Variants in MIGA2 observed in about 807,000 individuals in gnomAD.
MIGA2 encodes the protein family with sequence similarity 73, member B.
Under a neutral mutation model 69.9 loss-of-function variants are expected in MIGA2, and 36 were observed. The ratio of observed to expected loss-of-function variants is 0.52; its 90% CI spans 0.39 to 0.68. The LOEUF is 0.68. Among genes scored for constraint, MIGA2 ranks in the 30% least tolerant of loss-of-function variants. The pLI, the probability that MIGA2 is intolerant of heterozygous loss-of-function variation, is 0.00. For missense variants in MIGA2, 660 were observed against 787.7 expected (o/e 0.84, Z 1.94); for synonymous variants, 333 against 349.2 (o/e 0.95, Z 0.52).
At position 129,070,487 on chromosome 9, in the gene MIGA2, GCTC is replaced by G; in HGVS notation, c.*42_*44del. ...CGGGCTGGGGGGTGGCAGAGAGAAGGCTCCTCCTCCCTTCCCTGGGTTGGTATC... is the reference window on the plus strand; with the variant it reads ...CGGGCTGGGGGGTGGCAGAGAGAAGGCTCCTCCCTTCCCTGGGTTGGTATC... On this transcript the variant is annotated 3_prime_UTR_variant, in exon 16 of 16. Transcript: ENST00000684074. 6.7e-7 allele frequency: 1 copy of G among 1,486,856 alleles called. No individual in the cohort carries two copies. Among genetic ancestry groups the G allele is most frequent in the Non-Finnish European group, 9.0e-7 (1 of 1,116,562 alleles). The allele number at this position is 1,486,856 out of a possible 1,614,324, so 92.1% of individuals were successfully genotyped here.
At chr9:129,065,088 CT>C (rs74876477) in intron 11 of MIGA2, among the ~76,000 whole-genome samples, 5,464 of 142,776 alleles carry the variant, frequency 0.038, 198 homozygotes, top group South Asian at 0.1. Context: ...TGTCCTCAAT[CT>C]TTTTTTTTTT....
At chr9:129,065,641 C>T (rs954369262) in intron 11 of MIGA2, among the ~76,000 whole-genome samples, 6 of 152,270 alleles carry the variant, frequency 3.9e-5, no homozygotes, top group Admixed American at 3.3e-4. Context: ...TGAGCCACCA[C>T]GCCCGGCCTA....
At position 129,063,317 on chromosome 9, in the gene MIGA2, G is replaced by A; in HGVS notation, c.1083+1G>A. 1 of 1,614,042 alleles carries A rather than the reference G, an allele frequency of 6.2e-7. No homozygotes were observed. Among genetic ancestry groups the A allele is most frequent in the Non-Finnish European group, 8.5e-7 (1 of 1,180,020 alleles). ...GCACTGTGTGCGGCAGGCCTTCGAG[G>A]TGGGTGTGGCCTGGGGGTTCCTCGG... is the stretch of plus-strand genomic sequence containing the variant. On this transcript the variant is annotated splice_donor_variant, in intron 10 of 15. Transcript: ENST00000684074. LOFTEE classifies it high-confidence loss of function.
Position 129,070,373 on chromosome 9 carries a change from C to A in MIGA2, c.1702C>A (p.Leu568Met). Residue 568 changes from leucine to methionine, a missense_variant, in exon 16 of 16, where the codon CTG (leucine) becomes ATG (methionine). By Grantham distance (15) the Leu-to-Met change is conservative (BLOSUM62 2). This residue lies in a region of MIGA2 where 220 missense variants were observed against 301.7 expected (regional missense o/e 0.73). Coordinates refer to ENST00000684074, the MANE Select transcript of MIGA2 (RefSeq NM_001329990.2). Reference sequence around the variant, plus strand: ...CCGCAGCGAGATATTGCTGGGGTACCTGGGGGTGCCCGCGGCCAGCAGCGC... The same window carrying A: ...CCGCAGCGAGATATTGCTGGGGTACATGGGGGTGCCCGCGGCCAGCAGCGC... ...RRRSEILLGY[L>M]GVPAASSAGV... 1 of 1,612,664 alleles carries A rather than the reference C, an allele frequency of 6.2e-7. No homozygotes were observed. Among genetic ancestry groups the A allele is most frequent in the Non-Finnish European group, 8.5e-7 (1 of 1,179,842 alleles).
At chr9:129,054,470 GAAAC>G (rs1845698686) in intron 6 of MIGA2, among the ~76,000 whole-genome samples, 1 of 151,624 alleles carries the variant, frequency 6.6e-6, no homozygotes, top group African/African-American at 2.4e-5. Context: ...CAACAACAAA[GAAAC>G]AACAACAAAG....
chr9:129,042,187 C>A (rs562529774), intron 2 of MIGA2, 117 bp from the exon 3 acceptor site: 41 of 977,262 alleles, frequency 4.2e-5, no homozygotes, highest in Middle Eastern at 3.3e-4. Context: ...CTCATCTGGT[C>A]GGCAGATGTG....
chr9:129,068,270 C>T lies in MIGA2; in HGVS notation c.1342C>T (p.Pro448Ser). The T allele has an allele frequency of 1.2e-6, 2 of 1,613,062 alleles. No homozygotes were observed. Among genetic ancestry groups the T allele is most frequent in the Non-Finnish European group, 1.7e-6 (2 of 1,179,952 alleles). ...LMDAFEDLEN[P>S]PASVLAVLRN... ...GGACGCCTTCGAGGACCTGGAGAACCCTCCGGCCTCGGTGCTCGCCGTCCT... is the reference window on the plus strand; with the variant it reads ...GGACGCCTTCGAGGACCTGGAGAACTCTCCGGCCTCGGTGCTCGCCGTCCT... Residue 448 changes from proline (P) to serine (S), a missense_variant, in exon 13 of 16, where the codon CCT becomes TCT. Physicochemically the swap from Pro to Ser is moderately conservative, Grantham distance 74. Transcript: ENST00000684074. The surrounding 1 kb of genome is among the most constrained non-coding windows in gnomAD (Gnocchi z 4.1).
intron 5 of MIGA2, among the ~76,000 whole-genome samples, 160 bp from the exon 6 acceptor site, chr9:129,049,667 C>T (rs977271876): frequency 2.6e-5 from 4 of 152,230 alleles, no homozygotes; most frequent in Non-Finnish European, 4.4e-5. Flanking sequence ...TAGGAACAAA[C>T]CTGGTCTGAA....
chr9:129,070,357 G>A lies in MIGA2; in HGVS notation c.1686G>A (p.Glu562=), dbSNP rs1846611196. ...DILQLSRRRS[E]ILLGYLGVPA... ...TGCAGCTGTCCCGGCGCCGCAGCGA[G>A]ATATTGCTGGGGTACCTGGGGGTGC... Residue 562 remains glutamate (E), a synonymous_variant, in exon 16 of 16, where the codon GAG becomes GAA. Transcript: ENST00000684074. 1 of 1,612,984 alleles carries A rather than the reference G, an allele frequency of 6.2e-7. No individual in the cohort carries two copies. Among genetic ancestry groups the A allele is most frequent in the Non-Finnish European group, 8.5e-7 (1 of 1,179,958 alleles).
intron 11 of MIGA2, among the ~76,000 whole-genome samples, chr9:129,064,139 A>C (rs537210829): frequency 6.6e-6 from 1 of 152,212 alleles, no homozygotes; most frequent in Admixed American, 6.5e-5. Context: ...CATCACTGCC[A>C]GCAATATAAG....
Position 129,060,469 on chromosome 9 carries a change from T to C in MIGA2, c.794-81T>C. 1 of 1,172,712 alleles carries C rather than the reference T, an allele frequency of 8.5e-7. No homozygotes were observed. Among genetic ancestry groups the C allele is most frequent in the Non-Finnish European group, 1.2e-6 (1 of 821,536 alleles). 72.6% of individuals were successfully genotyped at this position (1,172,712 alleles called of 1,614,324 possible). On this transcript the variant is annotated intron_variant, in intron 7 of 15. Coordinates refer to ENST00000684074, the MANE Select transcript of MIGA2 (RefSeq NM_001329990.2). The surrounding 1 kb of genome is among the most constrained non-coding windows in gnomAD (Gnocchi z 4.8). Reference sequence around the variant, plus strand: ...GGGATGAAGCCTCCCCTGGGCCTGATGGGGGACTTCGTGTACCGGGATTCC... The same window carrying C: ...GGGATGAAGCCTCCCCTGGGCCTGACGGGGGACTTCGTGTACCGGGATTCC...
rs17452638 is a variant in MIGA2 at position 129,070,175 on chromosome 9, C to A, written c.1576-72C>A. The A allele has an allele frequency of 1.2e-3, 1,836 of 1,548,024 alleles. 19 individuals are homozygous for A. The East Asian group carries it at 0.015, about 13-fold the overall frequency. ...GGGGCTCTGGTGGTGGACAAGGGGA[C>A]TTCAGGTAACCTGGGGGGCATCATG... is the stretch of plus-strand genomic sequence containing the variant. On this transcript the variant is annotated intron_variant, in intron 15 of 15. Transcript: ENST00000684074.
chr9:129,045,341 C>G (rs1341092568), intron 3 of MIGA2, among the ~76,000 whole-genome samples: 2 of 142,980 alleles, frequency 1.4e-5, no homozygotes, highest in African/African-American at 5.3e-5. Flanking sequence ...ATTTAGGAGG[C>G]TGAAGCAGAA....
chr9:129,065,925 C>T (rs890069277), intron 11 of MIGA2, among the ~76,000 whole-genome samples: 1 of 152,174 alleles, frequency 6.6e-6, no homozygotes, highest in Non-Finnish European at 1.5e-5. Context: ...GTCCTTCCTC[C>T]CCCGTTATTC....
intron 6 of MIGA2, among the ~76,000 whole-genome samples, chr9:129,052,255 C>T (rs1845586809): frequency 6.6e-6 from 1 of 151,764 alleles, no homozygotes; most frequent in Non-Finnish European, 1.5e-5. Flanking sequence ...CCTGAGAAGC[C>T]AGAGTCAGAG....
intron 6 of MIGA2, among the ~76,000 whole-genome samples, chr9:129,054,420 T>G (rs1845696060): frequency 6.6e-6 from 1 of 152,204 alleles, no homozygotes; most frequent in Non-Finnish European, 1.5e-5. Flanking sequence ...ATTGTGCCAC[T>G]GCATTCCAGC....
chr9:129,053,164 C>T (rs1845632750), intron 6 of MIGA2, among the ~76,000 whole-genome samples: 1 of 152,146 alleles, frequency 6.6e-6, no homozygotes. Context: ...CCCTCGGCCT[C>T]CTGGAGCACT....
intron 6 of MIGA2, among the ~76,000 whole-genome samples, chr9:129,050,984 CTG>C (rs1400349351): frequency 6.6e-6 from 1 of 151,700 alleles, no homozygotes. Flanking sequence ...AGCGATTCTT[CTG>C]TCTCAGCCTC....
At chr9:129,037,462 C>G (rs554808246) in intron 1 of MIGA2, among the ~76,000 whole-genome samples, 1 of 152,158 alleles carries the variant, frequency 6.6e-6, no homozygotes, top group African/African-American at 2.4e-5. Context: ...GGTAGGGGAC[C>G]TTGCCGTGGG....
Sources: allele counts gnomAD v4.1 joint callset (sites outside exome capture counted in the v4.1 genomes callset), GRCh38; gene constraint gnomAD v4.1.1; regional missense constraint gnomAD v4.1.1; non-coding constraint Gnocchi (gnomAD v3.1); transcripts MANE v1.5; gene names NCBI Gene and HGNC (gene_info 2026-07-23, HGNC 2026-07-21).